Variants in RAB6B observed in about 807,000 individuals in gnomAD.
RAB6B encodes the protein ras-related protein Rab-6B.
A neutral mutation model predicts 31.2 loss-of-function variants in RAB6B; 7 were observed. That is an observed-to-expected ratio of 0.22 (90% CI 0.13 to 0.42). The LOEUF (loss-of-function observed/expected upper bound fraction) is 0.42. Among genes scored for constraint, RAB6B ranks in the 10% least tolerant of loss-of-function variants. RAB6B has a pLI of 1.00. For synonymous variants in RAB6B, 105 were observed against 104.9 expected, an observed-to-expected ratio of 1.00 and a Z score of -0.01; for missense variants, 149 against 280.6, an observed-to-expected ratio of 0.53 and a Z score of 3.35.
chr3:133,893,584 CAG>C (rs771818084), intron 1 of RAB6B, among the ~76,000 whole-genome samples: 6 of 152,200 alleles, frequency 3.9e-5, no homozygotes, highest in Non-Finnish European at 7.3e-5. Flanking sequence ...GAAGCTTGTG[CAG>C]ACTTAGAACA....
In RAB6B at chr3:133,895,668, A is replaced by AGAGGCG. The variant is rs1307807833; in HGVS notation, c.-208_-203dup. The stretch of plus-strand genomic sequence containing the variant: ...CGGCGGCGGAGGAGGAGGAGGAGAG[A>AGAGGCG]GAGGCGGAGGCGGAGGAAGGCTGGG... On this transcript the variant is annotated 5_prime_UTR_variant, in exon 1 of 8. Transcript: ENST00000285208. 7 of 595,786 alleles carry AGAGGCG rather than the reference A, an allele frequency of 1.2e-5. No homozygotes were observed. Among genetic ancestry groups the AGAGGCG allele is most frequent in the Non-Finnish European group, 2.1e-5 (7 of 340,166 alleles). The allele number at this position is 595,786 out of a possible 1,614,324, so 36.9% of individuals were successfully genotyped here. A position where few individuals can be genotyped will look rare whatever the true frequency, so the allele number is the denominator to read the frequency against.
chr3:133,875,889 G>A (rs1936388191), intron 1 of RAB6B, among the ~76,000 whole-genome samples: 1 of 152,208 alleles, frequency 6.6e-6, no homozygotes, highest in Non-Finnish European at 1.5e-5. Flanking sequence ...ATCAGGCAGA[G>A]GAGAACCGAA....
At chr3:133,879,373 A>G (rs1205649901) in intron 1 of RAB6B, among the ~76,000 whole-genome samples, 5 of 152,228 alleles carry the variant, frequency 3.3e-5, no homozygotes, top group Admixed American at 6.5e-5. Context: ...GTATAACTGT[A>G]CTTGGCATCA....
chr3:133,885,945 T>A (rs1042376660), intron 1 of RAB6B, among the ~76,000 whole-genome samples: 4 of 152,136 alleles, frequency 2.6e-5, no homozygotes, highest in African/African-American at 7.2e-5. Context: ...CTGCCTCCAA[T>A]CAGAACACAT....
chr3:133,841,826 C>T (rs771956092), intron 2 of RAB6B, among the ~76,000 whole-genome samples, 163 bp from the exon 3 acceptor site: 31 of 152,302 alleles, frequency 2.0e-4, no homozygotes, highest in Admixed American at 7.2e-4. Context: ...TACCACTCAG[C>T]GGCTCTCTCA....
chr3:133,856,462 T>A (rs993085653), intron 2 of RAB6B, among the ~76,000 whole-genome samples: 59 of 152,076 alleles, frequency 3.9e-4, no homozygotes, highest in Non-Finnish European at 5.6e-4. Context: ...TTCCCTGGAA[T>A]CCTTCCCCCC....
intron 6 of RAB6B, among the ~76,000 whole-genome samples, chr3:133,835,521 G>A (rs1935722270): frequency 1.3e-5 from 2 of 151,392 alleles, no homozygotes; most frequent in Admixed American, 1.3e-4. Flanking sequence ...GGTGTGGGTG[G>A]CAGGGGACAG....
At chr3:133,869,690 T>C (rs1451487689) in intron 1 of RAB6B, among the ~76,000 whole-genome samples, 4 of 151,942 alleles carry the variant, frequency 2.6e-5, no homozygotes, top group African/African-American at 7.3e-5. Context: ...TTAGAAAAAA[T>C]AGCACAGCTT....
At chr3:133,868,217 C>T (rs1936264379) in intron 1 of RAB6B, among the ~76,000 whole-genome samples, 1 of 152,184 alleles carries the variant, frequency 6.6e-6, no homozygotes, top group South Asian at 2.1e-4. Flanking sequence ...CAACAACTGC[C>T]CGGGGTGGAA....
chr3:133,894,493 C>T (rs778962984), intron 1 of RAB6B: 1 of 152,396 alleles, frequency 6.6e-6, no homozygotes, highest in Non-Finnish European at 1.5e-5. Flanking sequence ...CTCCCCTCCC[C>T]CAAGAAGGGC....
rs1250485664 is a variant in RAB6B, at chr3:133,841,254, C to T, written c.289+31G>A. 3.1e-6 allele frequency: 5 copies of T among 1,611,270 alleles called. No homozygotes were observed. The Admixed American group carries it at 8.3e-5, about 27-fold the overall frequency. ...CCTGGGCCCTGGACCCCCTATGAGC[C>T]ACCCTCCCTTAGGAGCAGAGCCTCA... On this transcript the variant is annotated intron_variant, in intron 4 of 7. Transcript: ENST00000285208.
chr3:133,856,604 T>C (rs1016792231), intron 2 of RAB6B, among the ~76,000 whole-genome samples: 2 of 152,204 alleles, frequency 1.3e-5, no homozygotes, highest in Non-Finnish European at 2.9e-5. Flanking sequence ...AGGTTGCCAA[T>C]GGGTACTGGG....
intron 2 of RAB6B, among the ~76,000 whole-genome samples, chr3:133,853,900 G>A (rs1936037548): frequency 6.6e-6 from 1 of 152,242 alleles, no homozygotes; most frequent in Non-Finnish European, 1.5e-5. Flanking sequence ...AAGAGAAGCT[G>A]TAGAACCCAC....
intron 1 of RAB6B, among the ~76,000 whole-genome samples, chr3:133,889,237 TGCA>T (rs1015233082): frequency 7.2e-5 from 11 of 151,846 alleles, no homozygotes; most frequent in Admixed American, 3.3e-4. Context: ...AGGGGAAATC[TGCA>T]GCCTGGATGG....
intron 1 of RAB6B, chr3:133,885,603 A>C (rs1936534978): frequency 1.4e-6 from 1 of 702,920 alleles, no homozygotes; most frequent in African/African-American, 1.7e-5. Flanking sequence ...GGAGTCCGGA[A>C]GGGCTGCCAG....
At chr3:133,861,232 G>A (rs1936156653) in intron 2 of RAB6B, among the ~76,000 whole-genome samples, 1 of 152,226 alleles carries the variant, frequency 6.6e-6, no homozygotes, top group African/African-American at 2.4e-5. Context: ...TTATATGAGA[G>A]AACCACTGCA....
At chr3:133,871,861 C>T (rs1936328670) in intron 1 of RAB6B, among the ~76,000 whole-genome samples, 1 of 152,250 alleles carries the variant, frequency 6.6e-6, no homozygotes, top group Non-Finnish European at 1.5e-5. Flanking sequence ...TGCATCCACA[C>T]TTACCACACA....
chr3:133,882,507 T>C (rs981778226), intron 1 of RAB6B, among the ~76,000 whole-genome samples: 8 of 152,170 alleles, frequency 5.3e-5, no homozygotes, highest in African/African-American at 1.7e-4. Context: ...ACCTCTGCCT[T>C]TTCTCCCACT....
chr3:133,874,353 C>A (rs1271113307), intron 1 of RAB6B, among the ~76,000 whole-genome samples: 1 of 152,234 alleles, frequency 6.6e-6, no homozygotes, highest in Non-Finnish European at 1.5e-5. Context: ...TATAATGGTA[C>A]CCTATTGCTT....
Sources: allele counts gnomAD v4.1 joint callset (sites outside exome capture counted in the v4.1 genomes callset), GRCh38; gene constraint gnomAD v4.1.1; transcripts MANE v1.5; gene names NCBI Gene and HGNC (gene_info 2026-07-23, HGNC 2026-07-21).